The following CDHR4 variants were observed in gnomAD, a reference collection of about 807,000 sequenced individuals.
CDHR4 encodes cadherin-related family member 4.
Under a neutral mutation model 88.4 loss-of-function variants are expected in CDHR4, and 89 were observed. That is an observed-to-expected ratio of 1.01 (90% CI 0.85 to 1.20). The LOEUF is 1.20. Ranked by LOEUF, CDHR4 falls within the 50% of genes most tolerant of loss-of-function variation. The pLI is 0.00. For missense variants in CDHR4, 914 were observed against 1,007.2 expected (o/e 0.91, Z 1.25); for synonymous variants, 368 against 399.2 (o/e 0.92, Z 0.93).
In CDHR4 at chr3:49,799,455, T is replaced by C; in HGVS notation, c.50-18A>G. ...GCAGAGGTCTGTGAAGAGCAGAGAATTCAGGCTGGAGGCCCCCAGGCTGAT... is the reference window on the plus strand; with the variant it reads ...GCAGAGGTCTGTGAAGAGCAGAGAACTCAGGCTGGAGGCCCCCAGGCTGAT... On this transcript the variant is annotated intron_variant, in intron 1 of 18. Coordinates refer to ENST00000412678, the MANE Select transcript of CDHR4 (RefSeq NM_001007540.4). 1.3e-6 allele frequency: 2 copies of C among 1,576,046 alleles called. No individual in the cohort carries two copies. Among genetic ancestry groups the C allele is most frequent in the Non-Finnish European group, 1.7e-6 (2 of 1,161,466 alleles).
At position 49,799,857 on chromosome 3, in the gene CDHR4, G is replaced by A; in HGVS notation, c.-45C>T. 1 of 1,610,138 alleles carries A rather than the reference G, an allele frequency of 6.2e-7. No individual in the cohort carries two copies. The highest frequency in any genetic ancestry group is 8.5e-7 in the Non-Finnish European group (1 of 1,176,824). On this transcript the variant is annotated 5_prime_UTR_variant, in exon 1 of 19. Transcript: ENST00000412678. ...CAGCAGAGGAGGCTTCAGAAAGCTA[G>A]GCTGTTTGTCTGACTCACCCTGTTG... is the stretch of plus-strand genomic sequence containing the variant.
Position 49,797,018 on chromosome 3 carries a change from A to C in CDHR4, c.510T>G (p.Ser170Arg), listed in dbSNP as rs891587638. Residue 170 changes from serine (S) to arginine (R), a missense_variant, in exon 5 of 19, where the codon AGT becomes AGG. Ser to Arg is a moderately radical substitution (Grantham distance 110, BLOSUM62 -1). Transcript: ENST00000412678. The part of the protein sequence containing the change: ...ELHGAQMSII[S>R]AQDLPHFPGP... ...CAGGGAAGTGTGGCAGGTCCTGGGC[A>C]CTGATAATGCTCATCTGACAGAACA... 7 of 1,551,488 alleles carry C rather than the reference A, an allele frequency of 4.5e-6. No individual in the cohort carries two copies. The Admixed American group carries it at 1.4e-4, about 30-fold the overall frequency.
Position 49,793,582 on chromosome 3 carries a change from C to G in CDHR4, c.1623+1G>C. On this transcript the variant is annotated splice_donor_variant, in intron 12 of 18. Coordinates refer to ENST00000412678, the MANE Select transcript of CDHR4 (RefSeq NM_001007540.4). LOFTEE classifies it high-confidence loss of function. ...TTTCCAAAGCCTTAGGACGCAATTA[C>G]CTCAACCTCGATGGTAATGGTACAG... 2 of 1,551,718 alleles carry G rather than the reference C, an allele frequency of 1.3e-6. No homozygotes were observed. Among genetic ancestry groups the G allele is most frequent in the Non-Finnish European group, 1.7e-6 (2 of 1,146,976 alleles).
chr3:49,794,916 G>A, intron 9 of CDHR4, 31 bp downstream of exon 9: 2 of 1,551,272 alleles, frequency 1.3e-6, no homozygotes, highest in South Asian at 2.4e-5. Context: ...CAAGCACCCT[G>A]CAAGTGGGTC....
chr3:49,795,457 T>C lies in CDHR4; in HGVS notation c.848-78A>G, dbSNP rs1202886907. The C allele has an allele frequency of 3.3e-6, 5 of 1,509,056 alleles. No homozygotes were observed. Among genetic ancestry groups the C allele is most frequent in the Non-Finnish European group, 4.4e-6 (5 of 1,124,676 alleles). 93.5% of individuals were successfully genotyped at this position (1,509,056 alleles called of 1,614,324 possible). A position where few individuals can be genotyped will look rare whatever the true frequency, so the allele number is the denominator to read the frequency against. ...GCCCCGCCTCCCAGCTCAGTCCCACTCCTGCCAGCCCACCAGATCCATAGG... is the reference window on the plus strand; with the variant it reads ...GCCCCGCCTCCCAGCTCAGTCCCACCCCTGCCAGCCCACCAGATCCATAGG... On this transcript the variant is annotated intron_variant, in intron 7 of 18. Transcript: ENST00000412678. The surrounding 1 kb of genome is among the most constrained non-coding windows in gnomAD (Gnocchi z 5.4).
At position 49,793,877 on chromosome 3, in the gene CDHR4, A is replaced by G. The variant is rs2108279594; in HGVS notation, c.1409T>C (p.Met470Thr). 1.3e-6 allele frequency: 2 copies of G among 1,551,738 alleles called. No homozygotes were observed. The highest frequency in any genetic ancestry group is 1.7e-6 in the Non-Finnish European group (2 of 1,146,984). ...TLLGSVVGTD[M>T]DYPHDNIEYY... ...CTCAATGTTGTCATGAGGGTAATCCATATCCGTGCCCACCACGGAGCCCAG... is the reference window on the plus strand; with the variant it reads ...CTCAATGTTGTCATGAGGGTAATCCGTATCCGTGCCCACCACGGAGCCCAG... The change falls in exon 11 of 19, where the codon ATG becomes ACG. Residue 470 changes from methionine to threonine, a missense_variant. Transcript: ENST00000412678.
rs144675334 is a variant in CDHR4 at position 49,793,803 on chromosome 3, C to T, written c.1483G>A (p.Gly495Arg). The change falls in exon 11 of 19, where the codon GGG becomes AGG. Residue 495 changes from glycine to arginine, a missense_variant and splice_region_variant. Gly to Arg is a moderately radical substitution (Grantham distance 125). Coordinates refer to ENST00000412678, the MANE Select transcript of CDHR4 (RefSeq NM_001007540.4). Reference protein sequence around the residue: ...PTTFAVDRLSGEVHLLGPLDY... With the variant: ...PTTFAVDRLSREVHLLGPLDY... ...CATCCCAGCCCTGGGGTGGATGTAC[C>T]GCTGAGACGGTCCACAGCAAAGGTG... 26 of 1,551,710 alleles carry T rather than the reference C, an allele frequency of 1.7e-5. No individual in the cohort carries two copies. Among genetic ancestry groups the T allele is most frequent in the Non-Finnish European group, 2.0e-5 (23 of 1,146,982 alleles).
chr3:49,794,823 A>G (rs1483712401), intron 9 of CDHR4, 122 bp from the exon 10 acceptor site: 3 of 1,449,420 alleles, frequency 2.1e-6, no homozygotes, highest in South Asian at 2.6e-5. Flanking sequence ...TCCAGACTGC[A>G]ACACAGGTTG....
At chr3:49,796,614 G>A (rs1020757246) in intron 5 of CDHR4, among the ~76,000 whole-genome samples, 1 of 152,154 alleles carries the variant, frequency 6.6e-6, no homozygotes. Flanking sequence ...CTAGGATTAT[G>A]TGGGTGAGCC....
At chr3:49,799,946 C>T, upstream of CDHR4, 1 of 798,512 alleles carries the variant, frequency 1.3e-6, no homozygotes, top group South Asian at 1.7e-5. Flanking sequence ...ATTCTATCCC[C>T]ACCCATCCCT....
chr3:49,792,639 G>A, intron 14 of CDHR4, 29 bp from the exon 15 acceptor site: 1 of 1,550,540 alleles, frequency 6.4e-7, no homozygotes, highest in Non-Finnish European at 8.7e-7. Context: ...CCTCACCACT[G>A]CCTTGCCAAA....
At chr3:49,794,030 G>A (rs1456522353) in intron 10 of CDHR4, 24 bp from the exon 11 acceptor site, 1 of 1,549,400 alleles carries the variant, frequency 6.5e-7, no homozygotes, top group Admixed American at 2.0e-5. Flanking sequence ...GGCAGTCAAG[G>A]AGCTGGCCTG....
rs768886674 is a variant in CDHR4, at chr3:49,796,796, G to A, written c.606+126C>T. 5.9e-5 allele frequency: 41 copies of A among 690,338 alleles called. 1 individual carries two copies. In the African/African-American group the frequency reaches 6.4e-4, roughly 11 times the overall value. 42.8% of individuals were successfully genotyped at this position (690,338 alleles called of 1,614,324 possible). On this transcript the variant is annotated intron_variant, in intron 5 of 18. Transcript: ENST00000412678. ...GTGGGAGGACAGACAGCATGCAGCA[G>A]CAGGTCCAGGTCTGAGAGAGTCAGT... is the stretch of plus-strand genomic sequence containing the variant.
rs988086471 is a variant in CDHR4 at position 49,795,562 on chromosome 3, T to C, written c.847+66A>G. The C allele has an allele frequency of 1.0e-4, 154 of 1,539,602 alleles. No homozygotes were observed. Among genetic ancestry groups the C allele is most frequent in the Non-Finnish European group, 1.3e-4 (144 of 1,139,076 alleles). On this transcript the variant is annotated intron_variant, in intron 7 of 18. Coordinates refer to ENST00000412678, the MANE Select transcript of CDHR4 (RefSeq NM_001007540.4). This position sits in a 1 kb window ranked among gnomAD's most constrained non-coding sequence, Gnocchi z 5.4. ...CAAACAGGAAGGTGAAGAGGTACTA[T>C]GGGTCACCTCTGGACCAGCCACAGA...
At chr3:49,796,418 C>T (rs1009368847) in intron 5 of CDHR4, among the ~76,000 whole-genome samples, 2 of 151,906 alleles carry the variant, frequency 1.3e-5, no homozygotes, top group Non-Finnish European at 2.9e-5. Flanking sequence ...CTCACTGCAA[C>T]CTCCACCCCC....
At chr3:49,792,691 G>A in intron 14 of CDHR4, 81 bp from the exon 15 acceptor site, 1 of 1,523,262 alleles carries the variant, frequency 6.6e-7, no homozygotes, top group East Asian at 2.5e-5. Flanking sequence ...CCCGGGCTAA[G>A]CCACCCCACA....
At chr3:49,800,708 T>C (rs773583106), upstream of CDHR4, among the ~76,000 whole-genome samples, 6 of 151,966 alleles carry the variant, frequency 3.9e-5, no homozygotes, top group Non-Finnish European at 8.8e-5. Context: ...GATTTTAACA[T>C]TTACTGGGCT....
rs199563174 is a variant in CDHR4, at chr3:49,795,205, G to A, written c.1022C>T (p.Ala341Val). ...GTTCCCGGGTACTCACACCAGAAGC[G>A]CTGGGAGGCAGCGTGGAGGCCAGAG... ...VNLWPPRCLPALLVSQIPETA... is the reference protein window; with the variant it reads ...VNLWPPRCLPVLLVSQIPETA... The change falls in exon 8 of 19, where the codon GCG becomes GTG. Residue 341 changes from alanine to valine, a missense_variant. Physicochemically the swap from Ala to Val is moderately conservative, Grantham distance 64. Transcript: ENST00000412678. The surrounding 1 kb of genome is among the most constrained non-coding windows in gnomAD (Gnocchi z 5.4). The A allele has an allele frequency of 5.0e-4, 780 of 1,551,508 alleles. 6 individuals are homozygous for A. The highest frequency in any genetic ancestry group is 3.3e-4 in the Middle Eastern group (2 of 6,014).
upstream of CDHR4, among the ~76,000 whole-genome samples, chr3:49,802,322 C>T (rs559320760): frequency 3.8e-4 from 58 of 152,234 alleles, no homozygotes; most frequent in African/African-American, 1.3e-3. Context: ...TACAGGCGCC[C>T]GCCACCACGC....
Sources: allele counts gnomAD v4.1 joint callset (sites outside exome capture counted in the v4.1 genomes callset), GRCh38; gene constraint gnomAD v4.1.1; non-coding constraint Gnocchi (gnomAD v3.1); transcripts MANE v1.5; gene names NCBI Gene and HGNC (gene_info 2026-07-23, HGNC 2026-07-21).